The following DEAF1 variants were observed in gnomAD, a reference collection of about 807,000 sequenced individuals.
DEAF1 encodes DEAF1 transcription factor, also known as deformed epidermal autoregulatory factor 1 homolog.
Under a neutral mutation model 58.9 loss-of-function variants are expected in DEAF1, and 53 were observed. The ratio of observed to expected loss-of-function variants is 0.90; its 90% CI spans 0.72 to 1.13. The LOEUF is 1.13. DEAF1 is among the 50% of genes most tolerant of loss of function. The pLI, the probability that DEAF1 is intolerant of heterozygous loss-of-function variation, is 0.00. For missense variants in DEAF1, 685 were observed against 791.4 expected (o/e 0.87, Z 1.61); for synonymous variants, 385 against 340.4 (o/e 1.13, Z -1.44).
chr11:688,205 A>C lies in DEAF1; in HGVS notation c.517+126T>G. The C allele has an allele frequency of 6.6e-7, 1 of 1,516,728 alleles. No homozygotes were observed. The highest frequency in any genetic ancestry group is 8.9e-7 in the Non-Finnish European group (1 of 1,119,918). The allele number at this position is 1,516,728 out of a possible 1,614,324, so 94.0% of individuals were successfully genotyped here. A position where few individuals can be genotyped will look rare whatever the true frequency, so the allele number is the denominator to read the frequency against. ...AGGAAAATTCCAATGCTTTTACTTA[A>C]AATCTATTAATAGATGATATTCCAA... On this transcript the variant is annotated intron_variant, in intron 3 of 11. Coordinates refer to ENST00000382409, the MANE Select transcript of DEAF1 (RefSeq NM_021008.4). This position sits in a 1 kb window ranked among gnomAD's most constrained non-coding sequence, Gnocchi z 4.3.
chr11:661,434 G>A (rs1381034665), intron 10 of DEAF1, among the ~76,000 whole-genome samples: 1 of 151,964 alleles, frequency 6.6e-6, no homozygotes, highest in African/African-American at 2.4e-5. Context: ...AAAAGGCCAG[G>A]CACCGAGGCT....
At chr11:704,233 C>A in intron 1 of DEAF1, 1 of 880,854 alleles carries the variant, frequency 1.1e-6, no homozygotes, top group Non-Finnish European at 1.5e-6. Context: ...TGGCCTCGCC[C>A]TCGGGCCCTG....
At chr11:667,124 A>G (rs1389465272) in intron 10 of DEAF1, among the ~76,000 whole-genome samples, 6 of 151,872 alleles carry the variant, frequency 4.0e-5, no homozygotes, top group Non-Finnish European at 8.8e-5. Context: ...CGCTTGAGCC[A>G]AGGAGTTTGC....
upstream of DEAF1, among the ~76,000 whole-genome samples, chr11:696,712 G>A (rs1861186916): frequency 6.6e-6 from 1 of 152,270 alleles, no homozygotes; most frequent in Non-Finnish European, 1.5e-5. Context: ...GTTGCAGTGA[G>A]CCGTGATGGC....
intron 10 of DEAF1, 113 bp from the exon 11 acceptor site, chr11:654,164 CCTTT>C (rs2133290981): frequency 6.9e-4 from 360 of 521,592 alleles, no homozygotes; most frequent in East Asian, 1.6e-3. Context: ...CATTGGACCC[CCTTT>C]TTTTTTTTTT....
At chr11:678,321 A>G in intron 9 of DEAF1, 1 of 280,962 alleles carries the variant, frequency 3.6e-6, no homozygotes, top group South Asian at 3.7e-5. Context: ...TTCTTTCACC[A>G]GATACCGAAT....
At chr11:655,840 A>AT (rs1414644420) in intron 10 of DEAF1, among the ~76,000 whole-genome samples, 2 of 110,122 alleles carry the variant, frequency 1.8e-5, no homozygotes, top group Admixed American at 8.9e-5. Context: ...TATTATTATT[A>AT]TTATTTTTTT....
intron 11 of DEAF1, among the ~76,000 whole-genome samples, chr11:652,964 A>G (rs565059354): frequency 2.1e-4 from 31 of 150,884 alleles, no homozygotes; most frequent in African/African-American, 7.1e-4. Context: ...CATGCCTGTA[A>G]TCCCAGCTAC....
chr11:659,445 G>A (rs1859213662), intron 10 of DEAF1, among the ~76,000 whole-genome samples: 1 of 152,166 alleles, frequency 6.6e-6, no homozygotes, highest in African/African-American at 2.4e-5. Context: ...CCCGGATGGA[G>A]ATGAGGCTGT....
chr11:694,553 A>G (rs1480796417), intron 1 of DEAF1: 1 of 239,538 alleles, frequency 4.2e-6, no homozygotes, highest in East Asian at 5.1e-5. Context: ...CACGTGGGGC[A>G]GGTGTGCAGG....
intron 11 of DEAF1, chr11:651,358 C>T (rs772468202): frequency 9.5e-6 from 3 of 317,340 alleles, no homozygotes; most frequent in South Asian, 7.6e-5. Context: ...GAGGATCGCC[C>T]GAAGCCAGGA....
chr11:703,595 C>T (rs71469814), intron 1 of DEAF1: 133,429 of 1,232,826 alleles, frequency 0.11, 7,976 homozygotes, highest in Non-Finnish European at 0.12. Context: ...CAGTTTACTC[C>T]GTGGCCAGGC....
chr11:651,593 A>T lies in DEAF1; in HGVS notation c.1593+2369T>A, dbSNP rs184267726. 4.8e-4 allele frequency among the ~76,000 whole-genome samples: 73 copies of T among 152,300 alleles called. 1 individual carries two copies. The East Asian group carries it at 0.013, about 28-fold the overall frequency. The stretch of plus-strand genomic sequence containing the variant: ...AACAGGCATAATGGCAGATAAAAAC[A>T]GATAATTCAGCTGGGCACGGTGGCT... On this transcript the variant is annotated intron_variant, in intron 11 of 11. Coordinates refer to ENST00000382409, the MANE Select transcript of DEAF1 (RefSeq NM_021008.4).
At chr11:686,809 C>A (rs1434640243) in intron 5 of DEAF1, 49 bp downstream of exon 5, 10 of 1,612,308 alleles carry the variant, frequency 6.2e-6, no homozygotes, top group African/African-American at 1.3e-5. Context: ...CCTCAGAGGG[C>A]CCCACGTCTG....
intron 10 of DEAF1, among the ~76,000 whole-genome samples, chr11:656,865 C>T (rs1342457968): frequency 6.8e-6 from 1 of 147,158 alleles, no homozygotes; most frequent in Admixed American, 6.8e-5. Flanking sequence ...CTTTGCAAAA[C>T]TTTTTTTTTT....
Position 681,072 on chromosome 11 carries a change from A to G in DEAF1, c.888T>C (p.Leu296=). 3 of 1,614,092 alleles carry G rather than the reference A, an allele frequency of 1.9e-6. No individual in the cohort carries two copies. Among genetic ancestry groups the G allele is most frequent in the Non-Finnish European group, 2.5e-6 (3 of 1,180,018 alleles). Residue 296 remains leucine (L), a synonymous_variant, in exon 7 of 12, where the codon CTT becomes CTC. Transcript: ENST00000382409. The stretch of plus-strand genomic sequence containing the variant: ...TCTTGCGCCTTTTGTAAGGCACAAA[A>G]AGCCTGACTGGGCCACTCTGGGGGA... The part of the protein sequence containing the change: ...DDMTLSGPVR[L]FVPYKRRKKE...
chr11:665,386 C>A (rs967406677), intron 10 of DEAF1, among the ~76,000 whole-genome samples: 1 of 152,184 alleles, frequency 6.6e-6, no homozygotes, highest in Non-Finnish European at 1.5e-5. Flanking sequence ...ATGAATGACA[C>A]GTCCGATACA....
At chr11:681,230 A>G (rs1420276416) in intron 6 of DEAF1, 141 bp from the exon 7 acceptor site, 2 of 1,187,728 alleles carry the variant, frequency 1.7e-6, no homozygotes, top group Non-Finnish European at 1.2e-6. Context: ...GCCCCTAAAG[A>G]TCCCACCTCT....
intron 10 of DEAF1, among the ~76,000 whole-genome samples, chr11:663,463 C>G (rs7925122): frequency 0.21 from 32,654 of 152,092 alleles, 5,274 homozygotes; most frequent in African/African-American, 0.46. Context: ...CAAAAGACTG[C>G]CTCTGGAGTC....
Sources: gnomAD v4.1 joint callset for allele counts (sites outside exome capture counted in the v4.1 genomes callset) on GRCh38, gnomAD v4.1.1 for gene constraint, Gnocchi (gnomAD v3.1) non-coding constraint, MANE v1.5 for transcripts, NCBI Gene and HGNC (gene_info 2026-07-23, HGNC 2026-07-21) for gene names.